The following PLEKHD1 variants were observed in gnomAD, a reference collection of about 807,000 sequenced individuals.
The protein encoded by PLEKHD1 is pleckstrin homology domain-containing family D member 1.
In PLEKHD1, 51 loss-of-function variants were observed where a neutral mutation model predicts 69.2. That is an observed-to-expected ratio of 0.74 (90% CI 0.59 to 0.93). PLEKHD1 has a LOEUF of 0.93. Ranked by LOEUF, PLEKHD1 falls within the 40% of genes least tolerant of loss-of-function variation. PLEKHD1 has a pLI of 0.00. For synonymous variants in PLEKHD1, 236 were observed against 244.7 expected (o/e 0.96, Z 0.33); for missense variants, 584 against 641.0 (o/e 0.91, Z 0.96).
At chr14:69,504,367 G>A (rs1883105148) in intron 6 of PLEKHD1, among the ~76,000 whole-genome samples, 1 of 152,132 alleles carries the variant, frequency 6.6e-6, no homozygotes, top group African/African-American at 2.4e-5. Flanking sequence ...GGGGCTATCA[G>A]CCTTGGCTCA....
chr14:69,488,700 A>G (rs555869617), intron 1 of PLEKHD1, among the ~76,000 whole-genome samples: 5 of 152,268 alleles, frequency 3.3e-5, no homozygotes, highest in African/African-American at 9.6e-5. Context: ...TTCAGCATTG[A>G]TAAAGAAGAA....
chr14:69,496,431 G>C (rs957752801), intron 1 of PLEKHD1, among the ~76,000 whole-genome samples: 1 of 152,202 alleles, frequency 6.6e-6, no homozygotes, highest in Non-Finnish European at 1.5e-5. Flanking sequence ...ACATGGTCAG[G>C]TTCTGATGAG....
intron 1 of PLEKHD1, among the ~76,000 whole-genome samples, chr14:69,499,697 G>T (rs983533365): frequency 6.6e-6 from 1 of 152,220 alleles, no homozygotes. Context: ...CATGTTACTT[G>T]CCAAAGACCC....
the PLEKHD1 span, among the ~76,000 whole-genome samples, chr14:69,468,041 G>A: frequency 1.3e-5 from 2 of 152,112 alleles, no homozygotes; most frequent in Non-Finnish European, 2.9e-5. Context: ...CCACTCCTTC[G>A]AGAAATAAAG....
chr14:69,469,768 C>T, the PLEKHD1 span, among the ~76,000 whole-genome samples: 2 of 152,034 alleles, frequency 1.3e-5, no homozygotes, highest in South Asian at 2.1e-4. Context: ...GTTGCACAGG[C>T]TGGAGCGCAG....
intron 6 of PLEKHD1, among the ~76,000 whole-genome samples, chr14:69,513,809 GT>G (rs763908224): frequency 1.3e-5 from 2 of 152,090 alleles, no homozygotes. Flanking sequence ...CTCTATTTTT[GT>G]TTGTCTGAGA....
At chr14:69,524,654 C>T (rs561287583) in intron 8 of PLEKHD1, among the ~76,000 whole-genome samples, 10 of 152,248 alleles carry the variant, frequency 6.6e-5, no homozygotes, top group Admixed American at 3.3e-4. Context: ...AGCTACCCAC[C>T]GCTTCCTTCT....
the PLEKHD1 span, among the ~76,000 whole-genome samples, chr14:69,478,767 C>G: frequency 1.3e-5 from 2 of 152,208 alleles, no homozygotes; most frequent in Admixed American, 1.3e-4. Context: ...TTTGCCAAAG[C>G]CATTCAACAA....
At chr14:69,481,011 G>A (rs988732540), upstream of PLEKHD1, among the ~76,000 whole-genome samples, 2 of 152,098 alleles carry the variant, frequency 1.3e-5, no homozygotes, top group African/African-American at 4.8e-5. Flanking sequence ...CCTTACCATG[G>A]GCTAGTCACT....
intron 5 of PLEKHD1, 37 bp downstream of exon 5, chr14:69,501,862 C>G: frequency 6.7e-7 from 1 of 1,493,004 alleles, no homozygotes; most frequent in African/African-American, 1.4e-5. Flanking sequence ...GGTAGCAGCA[C>G]TTGGGGACCA....
intron 2 of PLEKHD1, 123 bp from the exon 3 acceptor site, chr14:69,500,454 C>A: frequency 1.3e-6 from 1 of 794,186 alleles, no homozygotes; most frequent in Non-Finnish European, 2.0e-6. Flanking sequence ...TGTCCCATGG[C>A]CCCAGGGTCT....
chr14:69,473,869 A>G, the PLEKHD1 span, among the ~76,000 whole-genome samples: 1 of 152,154 alleles, frequency 6.6e-6, no homozygotes, highest in East Asian at 1.9e-4. Flanking sequence ...AGATACTTCA[A>G]CTACTGTCTC....
At chr14:69,526,670 G>A in intron 9 of PLEKHD1, 27 bp from the exon 10 acceptor site, 20 of 1,464,692 alleles carry the variant, frequency 1.4e-5, no homozygotes, top group Non-Finnish European at 1.8e-5. Context: ...AGTGAGCATT[G>A]AGAAAGTGCC....
At position 69,494,570 on chromosome 14, in the gene PLEKHD1, G is replaced by A. The variant is rs185913322; in HGVS notation, c.150-5545G>A. 1.6e-4 allele frequency among the ~76,000 whole-genome samples: 24 copies of A among 152,362 alleles called. No individual in the cohort carries two copies. The East Asian group carries it at 3.5e-3, about 22-fold the overall frequency. On this transcript the variant is annotated intron_variant, in intron 1 of 12. Coordinates refer to ENST00000322564, the MANE Select transcript of PLEKHD1 (RefSeq NM_001161498.2). ...ATGCCCAACCGTCCACAATTGTGAC[G>A]TGGATCAAATACATGTGGAACCCTT...
At chr14:69,524,913 A>G (rs1273235673) in intron 8 of PLEKHD1, among the ~76,000 whole-genome samples, 1 of 152,182 alleles carries the variant, frequency 6.6e-6, no homozygotes, top group African/African-American at 2.4e-5. Flanking sequence ...CCCCTGCTCC[A>G]AACCGCGGAG....
At chr14:69,516,994 G>A (rs887359396) in intron 6 of PLEKHD1, among the ~76,000 whole-genome samples, 1 of 152,190 alleles carries the variant, frequency 6.6e-6, no homozygotes, top group African/African-American at 2.4e-5. Flanking sequence ...ATGGAGAAAA[G>A]GATGAAGGCG....
the PLEKHD1 span, among the ~76,000 whole-genome samples, chr14:69,469,534 T>C: frequency 6.6e-6 from 1 of 152,064 alleles, no homozygotes; most frequent in South Asian, 2.1e-4. Flanking sequence ...CTGAGACTTC[T>C]GAGTAGCTGG....
At chr14:69,471,735 G>A in the PLEKHD1 span, among the ~76,000 whole-genome samples, 13 of 152,190 alleles carry the variant, frequency 8.5e-5, no homozygotes, top group East Asian at 7.8e-4. Flanking sequence ...CCATGCCAAA[G>A]GTGCCTAACA....
At chr14:69,513,181 T>G (rs1197324601) in intron 6 of PLEKHD1, among the ~76,000 whole-genome samples, 1 of 151,384 alleles carries the variant, frequency 6.6e-6, no homozygotes, top group Non-Finnish European at 1.5e-5. Context: ...ATGGCACCAC[T>G]GTACTCCAGC....
Sources: gnomAD v4.1 joint callset for allele counts (sites outside exome capture counted in the v4.1 genomes callset) on GRCh38, gnomAD v4.1.1 for gene constraint, MANE v1.5 for transcripts, NCBI Gene and HGNC (gene_info 2026-07-23, HGNC 2026-07-21) for gene names.